SRGAP1: variants seen among roughly 807,000 people sequenced by gnomAD.
SRGAP1 encodes the protein SLIT-ROBO Rho GTPase activating protein 1, also known as SLIT-ROBO Rho GTPase-activating protein 1.
SRGAP1 carries 43 observed loss-of-function variants against 121.9 expected under a neutral mutation model. The observed-to-expected ratio is 0.35, with a 90% CI of 0.28 to 0.46. SRGAP1 has a LOEUF of 0.46. Among genes scored for constraint, SRGAP1 ranks in the 20% least tolerant of loss-of-function variants. SRGAP1 has a pLI of 1.00. For missense variants in SRGAP1, 1,102 were observed against 1,350.9 expected, an observed-to-expected ratio of 0.82 and a Z score of 2.89; for synonymous variants, 447 against 485.4, an observed-to-expected ratio of 0.92 and a Z score of 1.04.
Position 64,111,748 on chromosome 12 carries a change from G to T in SRGAP1, c.1920-14G>T. On this transcript the variant is annotated splice_polypyrimidine_tract_variant and intron_variant, in intron 16 of 21. Coordinates refer to ENST00000355086, the MANE Select transcript of SRGAP1 (RefSeq NM_020762.4). The stretch of plus-strand genomic sequence containing the variant: ...TTTGTTCTTTTATAACTCCTTTCTT[G>T]TTTCCTTTTGTAGTCTATCACAGTA... 13 of 1,541,406 alleles carry T rather than the reference G, an allele frequency of 8.4e-6. No individual in the cohort carries two copies. The highest frequency in any genetic ancestry group is 2.3e-5 in the East Asian group (1 of 42,786).
chr12:64,130,084 G>A (rs2036760925), intron 21 of SRGAP1, among the ~76,000 whole-genome samples: 1 of 152,168 alleles, frequency 6.6e-6, no homozygotes, highest in Admixed American at 6.5e-5. Flanking sequence ...TTGGGCTATT[G>A]TAGTTTCCCA....
intron 3 of SRGAP1, among the ~76,000 whole-genome samples, chr12:64,016,742 C>T (rs2034412525): frequency 6.6e-6 from 1 of 152,132 alleles, no homozygotes; most frequent in East Asian, 1.9e-4. Context: ...GCCGTTCACC[C>T]ATGGTTGTCA....
intron 1 of SRGAP1, among the ~76,000 whole-genome samples, chr12:63,857,114 C>CGCTTACCCAG (rs1331175627): frequency 2.2e-5 from 3 of 135,700 alleles, no homozygotes; most frequent in Non-Finnish European, 4.6e-5. Flanking sequence ...GATGGAGTTT[C>CGCTTACCCAG]GCTTACCCAG....
At chr12:63,944,741 A>C (rs2031987020) in intron 1 of SRGAP1, among the ~76,000 whole-genome samples, 1 of 152,192 alleles carries the variant, frequency 6.6e-6, no homozygotes, top group Non-Finnish European at 1.5e-5. Context: ...AGAAGAAATA[A>C]CCCAGTCGGA....
At chr12:64,083,798 G>A (rs750599427) in intron 10 of SRGAP1, among the ~76,000 whole-genome samples, 53 of 152,144 alleles carry the variant, frequency 3.5e-4, no homozygotes, top group Non-Finnish European at 5.6e-4. Flanking sequence ...ATATCAGTGC[G>A]ATTTTGCTAA....
intron 1 of SRGAP1, among the ~76,000 whole-genome samples, chr12:63,893,988 G>A (rs1213143918): frequency 7.2e-5 from 11 of 152,284 alleles, no homozygotes; most frequent in East Asian, 1.9e-4. Flanking sequence ...ACAGGCATCC[G>A]CCACCACACC....
chr12:64,128,050 G>T lies in SRGAP1; in HGVS notation c.2730G>T (p.Arg910Ser). ...TCAACAATGACAGTCCTGAGCGGAG[G>T]CGCAGGCCTGGCCATGGCAGCCTGA... ...RGLNNDSPER[R>S]RRPGHGSLTN... Residue 910 changes from arginine to serine, a missense_variant, in exon 21 of 22, where the codon AGG becomes AGT. Coordinates refer to ENST00000355086, the MANE Select transcript of SRGAP1 (RefSeq NM_020762.4). 1 of 1,614,106 alleles carries T rather than the reference G, an allele frequency of 6.2e-7. No homozygotes were observed. The highest frequency in any genetic ancestry group is 8.5e-7 in the Non-Finnish European group (1 of 1,180,016).
At chr12:64,063,256 G>A (rs946340027) in intron 7 of SRGAP1, 118 bp downstream of exon 7, 3 of 924,894 alleles carry the variant, frequency 3.2e-6, no homozygotes, top group South Asian at 3.5e-5. Context: ...TGTCCTTGCA[G>A]AGGCTCTTAA....
chr12:63,973,446 C>T (rs1373183212), intron 1 of SRGAP1, among the ~76,000 whole-genome samples: 1 of 152,150 alleles, frequency 6.6e-6, no homozygotes, highest in South Asian at 2.1e-4. Flanking sequence ...AATACTTATG[C>T]ACTCTCTGCT....
At chr12:63,856,338 T>C (rs1899251071) in intron 1 of SRGAP1, among the ~76,000 whole-genome samples, 1 of 152,148 alleles carries the variant, frequency 6.6e-6, no homozygotes, top group East Asian at 1.9e-4. Context: ...TTTTAATCTG[T>C]TCACATGTAT....
intron 21 of SRGAP1, 40 bp from the exon 22 acceptor site, chr12:64,142,255 T>A (rs756842543): frequency 6.3e-7 from 1 of 1,591,428 alleles, no homozygotes; most frequent in South Asian, 1.1e-5. Context: ...GTATTCATTA[T>A]CAGTCTGTGC....
intron 10 of SRGAP1, among the ~76,000 whole-genome samples, chr12:64,085,866 G>A (rs2035927299): frequency 6.6e-6 from 1 of 152,136 alleles, no homozygotes. Context: ...AACTCATTCT[G>A]CCAACATTTT....
At chr12:64,005,226 A>G (rs949664286) in intron 3 of SRGAP1, among the ~76,000 whole-genome samples, 1 of 152,242 alleles carries the variant, frequency 6.6e-6, no homozygotes, top group African/African-American at 2.4e-5. Flanking sequence ...TTAGATTGAG[A>G]AAAAATAATT....
intron 3 of SRGAP1, 53 bp downstream of exon 3, chr12:63,990,125 T>C: frequency 7.1e-7 from 1 of 1,405,190 alleles, no homozygotes; most frequent in Non-Finnish European, 9.7e-7. Flanking sequence ...GCCTTGTCTA[T>C]AACCAGGACT....
chr12:63,905,106 ATAGT>A (rs2030138648), intron 1 of SRGAP1, among the ~76,000 whole-genome samples: 1 of 152,208 alleles, frequency 6.6e-6, no homozygotes, highest in African/African-American at 2.4e-5. Flanking sequence ...AATTTAGGAA[ATAGT>A]TATAGTTCCT....
chr12:64,042,258 C>T (rs568103890), intron 4 of SRGAP1, among the ~76,000 whole-genome samples: 1 of 152,082 alleles, frequency 6.6e-6, no homozygotes, highest in East Asian at 1.9e-4. Context: ...ATGTTTTCTA[C>T]ATTGAACATA....
intron 1 of SRGAP1, among the ~76,000 whole-genome samples, chr12:63,845,780 C>G (rs541847042): frequency 1.3e-5 from 2 of 152,210 alleles, no homozygotes; most frequent in South Asian, 2.1e-4. Flanking sequence ...GAGTAGCTTT[C>G]CTGATTGAGA....
At chr12:63,946,011 C>T (rs999820916) in intron 1 of SRGAP1, among the ~76,000 whole-genome samples, 1 of 150,956 alleles carries the variant, frequency 6.6e-6, no homozygotes, top group East Asian at 2.1e-4. Flanking sequence ...ACCTTCCTAC[C>T]TGGTTCACCC....
intron 1 of SRGAP1, among the ~76,000 whole-genome samples, chr12:63,948,943 C>CAT (rs375119612): frequency 2.7e-4 from 12 of 45,104 alleles, no homozygotes; most frequent in Non-Finnish European, 3.7e-4. Flanking sequence ...ATATATTTTC[C>CAT]ATATATATAT....
Sources: gnomAD v4.1 joint callset for allele counts (sites outside exome capture counted in the v4.1 genomes callset) on GRCh38, gnomAD v4.1.1 for gene constraint, MANE v1.5 for transcripts, NCBI Gene and HGNC (gene_info 2026-07-23, HGNC 2026-07-21) for gene names.